The following PP2D1 variants were observed in gnomAD, a reference collection of about 807,000 sequenced individuals.
PP2D1 encodes the protein protein phosphatase 2C like domain containing 1, also known as protein phosphatase 2C-like domain-containing protein 1.
Under a neutral mutation model 30.2 loss-of-function variants are expected in PP2D1, and 25 were observed. That is an observed-to-expected ratio of 0.83 (90% CI 0.60 to 1.16). The LOEUF (loss-of-function observed/expected upper bound fraction) is 1.16. Among genes scored for constraint, PP2D1 ranks in the 50% most tolerant of loss-of-function variants. The pLI is 0.00. For synonymous variants in PP2D1, 260 were observed against 258.9 expected, an observed-to-expected ratio of 1.00 and a Z score of -0.04; for missense variants, 760 against 742.4, an observed-to-expected ratio of 1.02 and a Z score of -0.28.
chr3:19,985,846 A>G lies in PP2D1; in HGVS notation c.1427T>C (p.Met476Thr). 4 of 1,536,272 alleles carry G rather than the reference A, an allele frequency of 2.6e-6. No homozygotes were observed. The highest frequency in any genetic ancestry group is 1.4e-5 in the African/African-American group (1 of 73,182). ...GATAGGACAGTATGTTTCTTTATAC[A>G]TGTGAAATGTTGTCATTGCCAGGGC... ...VTALAMTTFH[M>T]YKETYCPIIP... The change falls in exon 3 of 3, where the codon ATG becomes ACG. Residue 476 changes from methionine (M) to threonine (T), a missense_variant. By Grantham distance (81) the Met-to-Thr change is moderately conservative. Around this residue, in one of 3 missense-constraint regions of PP2D1, gnomAD observed 369 missense variants for 316.2 expected, o/e 1.17. Transcript: ENST00000389050.
downstream of PP2D1, among the ~76,000 whole-genome samples, chr3:19,980,476 G>T (rs1696903896): frequency 1.3e-5 from 2 of 149,650 alleles, no homozygotes; most frequent in Admixed American, 6.7e-5. Flanking sequence ...TGTTATGAAG[G>T]AACACTTTGA....
At chr3:19,983,662 A>T, downstream of PP2D1, 3 of 1,252,530 alleles carry the variant, frequency 2.4e-6, no homozygotes, top group East Asian at 2.5e-5. Flanking sequence ...AACTGATATT[A>T]ATATGAGTAT....
intron 2 of PP2D1, among the ~76,000 whole-genome samples, chr3:19,993,788 G>A (rs551897993): frequency 9.2e-4 from 140 of 152,220 alleles, no homozygotes; most frequent in African/African-American, 3.3e-3. Context: ...CGCCCAGGCT[G>A]GAGTGCAGTA....
At chr3:20,011,074 A>G (rs1697380101) in intron 1 of PP2D1, among the ~76,000 whole-genome samples, 1 of 152,114 alleles carries the variant, frequency 6.6e-6, no homozygotes, top group African/African-American at 2.4e-5. Context: ...GATGAGACCT[A>G]AGAAAATGAC....
intron 2 of PP2D1, among the ~76,000 whole-genome samples, chr3:20,000,734 A>G (rs913183837): frequency 1.3e-5 from 2 of 152,252 alleles, no homozygotes; most frequent in Non-Finnish European, 2.9e-5. Context: ...AAGCATATGT[A>G]GTAACTTTGC....
Position 20,001,815 on chromosome 3 carries a change from T to G in PP2D1, c.305A>C (p.Gln102Pro), listed in dbSNP as rs1697257990. The part of the protein sequence containing the change: ...GFQWMGRKKP[Q>P]PSVIAVQRQF... ...TCTCTGAACAGCAATCACTGAGGGCTGTGGTTTCTTTCTACCCATCCATTG... is the reference window on the plus strand; with the variant it reads ...TCTCTGAACAGCAATCACTGAGGGCGGTGGTTTCTTTCTACCCATCCATTG... The change falls in exon 2 of 3, where the codon CAG becomes CCG. Residue 102 changes from glutamine to proline, a missense_variant. Gln to Pro is a moderately conservative substitution (Grantham distance 76, BLOSUM62 -1). Transcript: ENST00000389050. 2 of 1,535,350 alleles carry G rather than the reference T, an allele frequency of 1.3e-6. No individual in the cohort carries two copies. The highest frequency in any genetic ancestry group is 4.9e-5 in the East Asian group (2 of 40,912).
intron 2 of PP2D1, among the ~76,000 whole-genome samples, chr3:19,990,586 G>A (rs761048267): frequency 3.3e-5 from 5 of 152,128 alleles, no homozygotes; most frequent in African/African-American, 7.2e-5. Flanking sequence ...CTAATGGAAC[G>A]AACTAAAAAA....
downstream of PP2D1, chr3:19,985,005 A>G (rs1697005757): frequency 5.3e-6 from 1 of 189,054 alleles, no homozygotes; most frequent in Admixed American, 5.6e-5. Flanking sequence ...TATTTTAGGT[A>G]TTTTCATTAT....
chr3:20,007,523 C>T (rs1697334171), intron 1 of PP2D1, among the ~76,000 whole-genome samples: 1 of 151,988 alleles, frequency 6.6e-6, no homozygotes, highest in South Asian at 2.1e-4. Context: ...GATCCCAGCA[C>T]TTAGGGAGGC....
intron 2 of PP2D1, among the ~76,000 whole-genome samples, chr3:19,990,440 G>T (rs1206369318): frequency 6.6e-6 from 1 of 152,212 alleles, no homozygotes; most frequent in Non-Finnish European, 1.5e-5. Context: ...GCCAGTCACT[G>T]CACCCAGCAG....
intron 1 of PP2D1, among the ~76,000 whole-genome samples, chr3:20,002,648 G>A (rs952257436): frequency 8.5e-5 from 13 of 152,294 alleles, no homozygotes; most frequent in Admixed American, 3.9e-4. Flanking sequence ...GGCCAGGCAC[G>A]GTGGCTCACG....
At chr3:20,008,976 A>G (rs1697355345) in intron 1 of PP2D1, among the ~76,000 whole-genome samples, 1 of 152,204 alleles carries the variant, frequency 6.6e-6, no homozygotes, top group African/African-American at 2.4e-5. Context: ...AATACATTAC[A>G]TAAAGGCATG....
At position 20,001,406 on chromosome 3, in the gene PP2D1, G is replaced by A; in HGVS notation, c.714C>T (p.Tyr238=). The A allele has an allele frequency of 6.5e-7, 1 of 1,536,570 alleles. No homozygotes were observed. The highest frequency in any genetic ancestry group is 8.7e-7 in the Non-Finnish European group (1 of 1,146,994). ...LHQLSKFDPS[Y]QMTTDEQQII... Reference sequence around the variant, plus strand: ...TTTGTTGCTCATCAGTTGTCATTTGGTAAGAAGGATCAAATTTGGAAAGCT... The same window carrying A: ...TTTGTTGCTCATCAGTTGTCATTTGATAAGAAGGATCAAATTTGGAAAGCT... The change falls in exon 2 of 3, where the codon TAC becomes TAT. Residue 238 remains tyrosine (Y), a synonymous_variant. Transcript: ENST00000389050.
Position 20,001,266 on chromosome 3 carries a change from G to C in PP2D1, c.854C>G (p.Ala285Gly). 1 of 1,536,006 alleles carries C rather than the reference G, an allele frequency of 6.5e-7. No individual in the cohort carries two copies. Among genetic ancestry groups the C allele is most frequent in the Non-Finnish European group, 8.7e-7 (1 of 1,146,870 alleles). ...VRCEYEDTHKAFAKAFWRMDR... is the reference protein window; with the variant it reads ...VRCEYEDTHKGFAKAFWRMDR... The stretch of plus-strand genomic sequence containing the variant: ...CATTCTCCAAAATGCTTTTGCAAAG[G>C]CTTTGTGTGTGTCCTCATACTCACA... Residue 285 changes from alanine (A) to glycine (G), a missense_variant, in exon 2 of 3, where the codon GCC (alanine) becomes GGC (glycine). This residue lies in a region of PP2D1 where 374 missense variants were observed against 388.8 expected (regional missense o/e 0.96). Transcript: ENST00000389050.
chr3:20,010,075 A>AT (rs1306065685), intron 1 of PP2D1, among the ~76,000 whole-genome samples: 1 of 151,946 alleles, frequency 6.6e-6, no homozygotes, highest in African/African-American at 2.4e-5. Flanking sequence ...TGTTTCATCT[A>AT]TATCCCCATC....
rs532733453 is a variant in PP2D1 at position 19,986,178 on chromosome 3, A to G, written c.1095T>C (p.Asn365=). 30 of 1,472,466 alleles carry G rather than the reference A, an allele frequency of 2.0e-5. No individual in the cohort carries two copies. The highest frequency in any genetic ancestry group is 2.7e-5 in the Admixed American group (1 of 36,996). The allele number at this position is 1,472,466 out of a possible 1,614,324, so 91.2% of individuals were successfully genotyped here. ...SGILHVANTG[N]VQAVLCRNGK... ...CATTTCTGCATAAGACTGCTTGCAC[A>G]TTACCTAAAAGATTATTTTTTAAAA... is the stretch of plus-strand genomic sequence containing the variant. Residue 365 remains asparagine (N), a synonymous_variant, in exon 3 of 3, where the codon AAT becomes AAC. Transcript: ENST00000389050.
downstream of PP2D1, among the ~76,000 whole-genome samples, chr3:19,980,413 T>C (rs1559493387): frequency 6.6e-6 from 1 of 151,952 alleles, no homozygotes; most frequent in Non-Finnish European, 1.5e-5. Flanking sequence ...AATGGAATTG[T>C]GGCCTTTCCA....
intron 2 of PP2D1, among the ~76,000 whole-genome samples, chr3:19,999,061 C>A (rs938142080): frequency 6.7e-6 from 1 of 149,966 alleles, no homozygotes; most frequent in South Asian, 2.1e-4. Context: ...TAGAACCAAC[C>A]AATCAGCAGT....
intron 1 of PP2D1, among the ~76,000 whole-genome samples, chr3:20,004,732 T>C (rs1167069643): frequency 6.6e-6 from 1 of 151,902 alleles, no homozygotes; most frequent in African/African-American, 2.4e-5. Flanking sequence ...TTCTAGGGCA[T>C]GAGATATTTT....
Sources: gnomAD v4.1 joint callset for allele counts (sites outside exome capture counted in the v4.1 genomes callset) on GRCh38, gnomAD v4.1.1 for gene constraint, gnomAD v4.1.1 regional missense constraint, MANE v1.5 for transcripts, NCBI Gene and HGNC (gene_info 2026-07-23, HGNC 2026-07-21) for gene names.